The following RSRC1 variants were observed in gnomAD, a reference collection of about 807,000 sequenced individuals.
RSRC1 encodes the protein serine/Arginine-related protein 53.
In RSRC1, 39 loss-of-function variants were observed where a neutral mutation model predicts 49.1. The ratio of observed to expected loss-of-function variants is 0.79; its 90% CI spans 0.61 to 1.04. RSRC1 has a LOEUF of 1.04. Among genes scored for constraint, RSRC1 ranks in the 50% least tolerant of loss-of-function variants. RSRC1 has a pLI of 0.00. For missense variants in RSRC1, 388 were observed against 402.4 expected (o/e 0.96, Z 0.31); for synonymous variants, 143 against 130.8 (o/e 1.09, Z -0.63).
intron 4 of RSRC1, among the ~76,000 whole-genome samples, chr3:158,252,229 TC>T (rs1724256288): frequency 6.6e-6 from 1 of 151,794 alleles, no homozygotes; most frequent in Admixed American, 6.6e-5. Flanking sequence ...TGGCATGATC[TC>T]GGCTCACCGC....
At chr3:158,481,145 T>G (rs1366643107) in intron 7 of RSRC1, among the ~76,000 whole-genome samples, 1 of 151,864 alleles carries the variant, frequency 6.6e-6, no homozygotes, top group African/African-American at 2.4e-5. Context: ...TATATTGTCA[T>G]GTGACTCAGC....
At chr3:158,163,786 G>C (rs905580168) in intron 3 of RSRC1, among the ~76,000 whole-genome samples, 1 of 150,984 alleles carries the variant, frequency 6.6e-6, no homozygotes, top group African/African-American at 2.4e-5. Flanking sequence ...GTTAGCAAGA[G>C]TGTTGTACTT....
intron 6 of RSRC1, among the ~76,000 whole-genome samples, chr3:158,436,298 A>G (rs988802536): frequency 2.0e-5 from 3 of 151,944 alleles, no homozygotes; most frequent in South Asian, 2.1e-4. Context: ...TAATAGGGCA[A>G]TGCATCATGG....
intron 3 of RSRC1, among the ~76,000 whole-genome samples, chr3:158,135,749 C>T (rs1348417683): frequency 6.6e-6 from 1 of 152,140 alleles, no homozygotes; most frequent in African/African-American, 2.4e-5. Flanking sequence ...CCTTTGTGAT[C>T]TGACTCCTTC....
intron 7 of RSRC1, among the ~76,000 whole-genome samples, chr3:158,498,140 AT>A (rs2108456441): frequency 6.6e-6 from 1 of 152,148 alleles, no homozygotes; most frequent in East Asian, 1.9e-4. Context: ...TCTTTAAGGA[AT>A]CTCCATGCTG....
At chr3:158,163,692 C>T (rs1223959892) in intron 3 of RSRC1, among the ~76,000 whole-genome samples, 1 of 151,506 alleles carries the variant, frequency 6.6e-6, no homozygotes, top group African/African-American at 2.4e-5. Context: ...CATACACATC[C>T]ATATTATAAT....
intron 4 of RSRC1, among the ~76,000 whole-genome samples, chr3:158,249,830 A>C (rs2108011068): frequency 6.6e-6 from 1 of 152,236 alleles, no homozygotes; most frequent in Non-Finnish European, 1.5e-5. Flanking sequence ...CAAACAATTC[A>C]ATTATACTTT....
chr3:158,133,665 C>T (rs1716179559), intron 3 of RSRC1, among the ~76,000 whole-genome samples: 4 of 152,192 alleles, frequency 2.6e-5, no homozygotes. Context: ...TGAAACCACA[C>T]ATATGGCGAT....
intron 7 of RSRC1, among the ~76,000 whole-genome samples, chr3:158,523,028 A>G (rs1473297876): frequency 6.6e-6 from 1 of 152,136 alleles, no homozygotes; most frequent in African/African-American, 2.4e-5. Context: ...TTTTGGCTCT[A>G]AAATCAGAAG....
rs570803871 is a variant in RSRC1, at chr3:158,326,329, C to T, written c.531+28254C>T. Among the ~76,000 whole-genome samples, 5 of 152,234 alleles carry T rather than the reference C, an allele frequency of 3.3e-5. No individual in the cohort carries two copies. In the South Asian group the frequency reaches 1.0e-3, roughly 32 times the overall value. Reference sequence around the variant, plus strand: ...TGCCGGTTTTCAAAGGGAATGCTTCCAGTTTTTGCCCATTCAGTATGATAT... The same window carrying T: ...TGCCGGTTTTCAAAGGGAATGCTTCTAGTTTTTGCCCATTCAGTATGATAT... On this transcript the variant is annotated intron_variant, in intron 5 of 9. Coordinates refer to ENST00000611884, the MANE Select transcript of RSRC1 (RefSeq NM_001271838.2).
intron 1 of RSRC1, among the ~76,000 whole-genome samples, chr3:158,111,817 CTGAT>C (rs1261705037): frequency 9.9e-5 from 15 of 152,192 alleles, no homozygotes; most frequent in Admixed American, 9.8e-4. Flanking sequence ...GTTCTTCAAA[CTGAT>C]TGCCTGTTTT....
intron 3 of RSRC1, among the ~76,000 whole-genome samples, chr3:158,141,300 T>C (rs1379278079): frequency 6.6e-6 from 1 of 152,190 alleles, no homozygotes; most frequent in Non-Finnish European, 1.5e-5. Context: ...TAACCTTTCT[T>C]GGGTCACATC....
intron 3 of RSRC1, among the ~76,000 whole-genome samples, chr3:158,170,969 A>G (rs1021077961): frequency 2.6e-5 from 4 of 152,154 alleles, no homozygotes; most frequent in Admixed American, 2.6e-4. Flanking sequence ...ACTCCAAGAA[A>G]AAACCATCCT....
chr3:158,323,166 T>C (rs956811671), intron 5 of RSRC1, among the ~76,000 whole-genome samples: 1 of 152,156 alleles, frequency 6.6e-6, no homozygotes, highest in African/African-American at 2.4e-5. Flanking sequence ...TATTTTAGGG[T>C]TTTTGCAGTT....
chr3:158,249,758 C>A (rs938706406), intron 4 of RSRC1, among the ~76,000 whole-genome samples: 1 of 151,914 alleles, frequency 6.6e-6, no homozygotes, highest in South Asian at 2.1e-4. Flanking sequence ...GTATATAAAG[C>A]GTAATAATCA....
intron 3 of RSRC1, among the ~76,000 whole-genome samples, chr3:158,131,933 C>A (rs1453267227): frequency 6.6e-6 from 1 of 152,102 alleles, no homozygotes; most frequent in Non-Finnish European, 1.5e-5. Flanking sequence ...ACGTTGCACA[C>A]TGTAAAGGCC....
chr3:158,159,497 T>C (rs1559923579), intron 3 of RSRC1, among the ~76,000 whole-genome samples: 1 of 152,236 alleles, frequency 6.6e-6, no homozygotes, highest in South Asian at 2.1e-4. Context: ...GTGGGAGTTA[T>C]GATTTATCCC....
intron 3 of RSRC1, among the ~76,000 whole-genome samples, chr3:158,165,790 A>C (rs1718496574): frequency 6.6e-6 from 1 of 152,198 alleles, no homozygotes; most frequent in Admixed American, 6.6e-5. Context: ...TATTCTTCCA[A>C]CAAACCCTTT....
At chr3:158,222,006 T>C (rs971947418) in intron 4 of RSRC1, among the ~76,000 whole-genome samples, 2 of 151,548 alleles carry the variant, frequency 1.3e-5, no homozygotes, top group East Asian at 1.9e-4. Context: ...TTATATTACC[T>C]AATGTATCCA....
Sources: allele counts gnomAD v4.1 joint callset (sites outside exome capture counted in the v4.1 genomes callset), GRCh38; gene constraint gnomAD v4.1.1; transcripts MANE v1.5; gene names NCBI Gene and HGNC (gene_info 2026-07-23, HGNC 2026-07-21).